Variants in SPATA31A1 observed in about 807,000 individuals in gnomAD.
SPATA31A1 encodes the protein SPATA31 subfamily A member 1.
For synonymous variants in SPATA31A1, 194 were observed against 573.4 expected (o/e 0.34, Z 9.45); for missense variants, 579 against 1,476.3 (o/e 0.39, Z 9.96).
At position 39,360,632 on chromosome 9, in the gene SPATA31A1, C is replaced by A. The variant is rs1214195725; in HGVS notation, c.2867C>A (p.Pro956Gln). ...SKAGETREAVPQCRVPLETCM... is the reference protein window; with the variant it reads ...SKAGETREAVQQCRVPLETCM... ...GCTGGAGAGACAAGGGAGGCAGTGCCACAATGCAGAGTCCCCTTGGAAACC... is the reference window on the plus strand; with the variant it reads ...GCTGGAGAGACAAGGGAGGCAGTGCAACAATGCAGAGTCCCCTTGGAAACC... Residue 956 changes from proline (P) to glutamine (Q), a missense_variant, in exon 4 of 4, where the codon CCA (proline) becomes CAA (glutamine). By Grantham distance (76) the Pro-to-Gln change is moderately conservative. Coordinates refer to ENST00000377647, the MANE Select transcript of SPATA31A1 (RefSeq NM_001085452.4). 6.2e-7 allele frequency: 1 copy of A among 1,609,086 alleles called. No individual in the cohort carries two copies. The highest frequency in any genetic ancestry group is 8.5e-7 in the Non-Finnish European group (1 of 1,179,010).
intron 1 of SPATA31A1, among the ~76,000 whole-genome samples, chr9:39,356,578 T>TTTGAG (rs1823333547): frequency 4.3e-4 from 22 of 51,672 alleles, no homozygotes; most frequent in East Asian, 3.9e-3. Context: ...TATTTTATTT[T>TTTGAG]ATTTTATTTT....
In SPATA31A1 at chr9:39,361,417, GAC is replaced by G; in HGVS notation, c.3653_3654del (p.Asp1218GlyfsTer81). Reference protein sequence around the residue: ...GLMTAVGQMLDEKMSLCHARH... With the variant: ...GLMTAVGQMLXEKMSLCHARH... ...CATGACGGCAGTTGGACAAATGCTG[GAC>G]GAGAAAATGTCACTTTGCCATGCGC... On this transcript the variant is annotated frameshift_variant, in exon 4 of 4. Coordinates refer to ENST00000377647, the MANE Select transcript of SPATA31A1 (RefSeq NM_001085452.4). LOFTEE classifies it low-confidence loss of function (END_TRUNC). 1 of 1,613,566 alleles carries G rather than the reference GAC, an allele frequency of 6.2e-7. No individual in the cohort carries two copies. Among genetic ancestry groups the G allele is most frequent in the East Asian group, 2.2e-5 (1 of 44,872 alleles).
Position 39,358,665 on chromosome 9 carries a change from T to C in SPATA31A1, c.900T>C (p.Asp300=), listed in dbSNP as rs1230562537. Residue 300 remains aspartate (D), a synonymous_variant, in exon 4 of 4, where the codon GAT becomes GAC. Coordinates refer to ENST00000377647, the MANE Select transcript of SPATA31A1 (RefSeq NM_001085452.4). The part of the protein sequence containing the change: ...SCAFNSSVQQ[D]HLSRHPPETY... ...CCTTTAACTCATCAGTCCAGCAAGA[T>C]CATCTTTCCCGCCACCCACCAGAGA... is the stretch of plus-strand genomic sequence containing the variant. The C allele has an allele frequency of 6.2e-6, 10 of 1,608,330 alleles. No homozygotes were observed. The Admixed American group carries it at 1.0e-4, about 16-fold the overall frequency.
intron 1 of SPATA31A1, 149 bp downstream of exon 1, chr9:39,356,068 C>A: frequency 1.0e-5 from 1 of 99,564 alleles, no homozygotes; most frequent in Non-Finnish European, 1.6e-5. Context: ...AGAGGCAGGG[C>A]AGCCAGGGGT....
intron 1 of SPATA31A1, among the ~76,000 whole-genome samples, chr9:39,356,592 TTATTTTATTTTATTTTTTG>T (rs1823334498): frequency 2.1e-5 from 1 of 46,864 alleles, no homozygotes; most frequent in African/African-American, 9.7e-5. Flanking sequence ...TTATTTTATT[TTATTTTATTTTATTTTTTG>T]AGATGGAGTC....
Position 39,359,301 on chromosome 9 carries a change from T to C in SPATA31A1, c.1536T>C (p.Pro512=), listed in dbSNP as rs1823403768. The change falls in exon 4 of 4, where the codon CCT becomes CCC. Residue 512 remains proline, a synonymous_variant. Coordinates refer to ENST00000377647, the MANE Select transcript of SPATA31A1 (RefSeq NM_001085452.4). ...AATCTTCTTTCCCAGTCCTATCTCC[T>C]GCTTTTCCATCCCTGATTAAGAACA... The part of the protein sequence containing the change: ...HLQSSFPVLS[P]AFPSLIKNTG... 7 of 1,607,422 alleles carry C rather than the reference T, an allele frequency of 4.4e-6. No homozygotes were observed. Among genetic ancestry groups the C allele is most frequent in the Non-Finnish European group, 5.1e-6 (6 of 1,177,794 alleles).
rs1823472351 is a variant in SPATA31A1, at chr9:39,361,667, G to A, written c.3902G>A (p.Trp1301Ter). ...AGTGTGCGGTGCAACAATGAGCAAT[G>A]GGGCCTGCGACATCCCCAAATCTTG... ...LKSVRCNNEQ[W>*]GLRHPQILHP... Residue 1301 changes from tryptophan to a stop codon, truncating the protein, a stop_gained, in exon 4 of 4, where the codon TGG becomes TAG. Transcript: ENST00000377647. LOFTEE classifies it low-confidence loss of function (END_TRUNC). The A allele has an allele frequency of 6.2e-7, 1 of 1,613,002 alleles. No homozygotes were observed. The highest frequency in any genetic ancestry group is 1.3e-5 in the African/African-American group (1 of 74,656).
In SPATA31A1 at chr9:39,355,686, G is replaced by T. The variant is rs1823316291; in HGVS notation, c.-45G>T. ...TGGGCCCCAGTCCCTAGTCCCCACG[G>T]GGATGCCCAGAGCTCAGTTGCTTGA... On this transcript the variant is annotated 5_prime_UTR_variant, in exon 1 of 4. Coordinates refer to ENST00000377647, the MANE Select transcript of SPATA31A1 (RefSeq NM_001085452.4). The T allele has an allele frequency of 1.7e-5, 9 of 521,578 alleles. No individual in the cohort carries two copies. Among genetic ancestry groups the T allele is most frequent in the Non-Finnish European group, 3.0e-5 (9 of 302,508 alleles). 32.3% of individuals were successfully genotyped at this position (521,578 alleles called of 1,614,324 possible). A position where few individuals can be genotyped will look rare whatever the true frequency, so the allele number is the denominator to read the frequency against.
At position 39,361,266 on chromosome 9, in the gene SPATA31A1, C is replaced by G. The variant is rs1316998070; in HGVS notation, c.3501C>G (p.Ile1167Met). 1 of 1,612,014 alleles carries G rather than the reference C, an allele frequency of 6.2e-7. No homozygotes were observed. The highest frequency in any genetic ancestry group is 8.5e-7 in the Non-Finnish European group (1 of 1,179,798). The change falls in exon 4 of 4, where the codon ATC becomes ATG. Residue 1167 changes from isoleucine to methionine, a missense_variant. Ile to Met is a conservative substitution (Grantham distance 10, BLOSUM62 1). Transcript: ENST00000377647. ...PPSVSHFGGN[I>M]KQFFQWIFSK... ...CAGTAAGCCACTTTGGAGGAAACAT[C>G]AAGCAATTTTTTCAGTGGATTTTTT...
At position 39,358,695 on chromosome 9, in the gene SPATA31A1, C is replaced by T. The variant is rs4078899; in HGVS notation, c.930C>T (p.Tyr310=). The T allele has an allele frequency of 3.5e-4, 558 of 1,607,714 alleles. 3 individuals are homozygous for T. In the African/African-American group the frequency reaches 6.5e-3, roughly 19 times the overall value. ...TTTCCCGCCACCCACCAGAGACCTA[C>T]CAGATGGAAGCTGGTAGCCTGTTTT... ...DHLSRHPPET[Y]QMEAGSLFLL... The change falls in exon 4 of 4, where the codon TAC becomes TAT. Residue 310 remains tyrosine, a synonymous_variant. Coordinates refer to ENST00000377647, the MANE Select transcript of SPATA31A1 (RefSeq NM_001085452.4).
In SPATA31A1 at chr9:39,361,363, T is replaced by G. The variant is rs1001159299; in HGVS notation, c.3598T>G (p.Tyr1200Asp). ...QKTVKNRSCV[Y>D]SSSAEAQGLM... ...AACAGTGAAAAACAGATCATGTGTG[T>G]ACAGCAGCAGTGCTGAAGCTCAGGG... is the stretch of plus-strand genomic sequence containing the variant. The change falls in exon 4 of 4, where the codon TAC becomes GAC. Residue 1200 changes from tyrosine to aspartate, a missense_variant. Tyr to Asp is a radical substitution (Grantham distance 160). Coordinates refer to ENST00000377647, the MANE Select transcript of SPATA31A1 (RefSeq NM_001085452.4). 1 of 1,613,494 alleles carries G rather than the reference T, an allele frequency of 6.2e-7. No individual in the cohort carries two copies. Among genetic ancestry groups the G allele is most frequent in the Admixed American group, 1.7e-5 (1 of 59,964 alleles).
chr9:39,361,323 T>C lies in SPATA31A1; in HGVS notation c.3558T>C (p.Thr1186=). Residue 1186 remains threonine (T), a synonymous_variant, in exon 4 of 4, where the codon ACT becomes ACC. Coordinates refer to ENST00000377647, the MANE Select transcript of SPATA31A1 (RefSeq NM_001085452.4). ...SKKKSKPAPV[T]AESQKTVKNR... ...AAAAAAGCAAGCCAGCACCAGTCACTGCTGAGAGCCAAAAAACAGTGAAAA... is the reference window on the plus strand; with the variant it reads ...AAAAAAGCAAGCCAGCACCAGTCACCGCTGAGAGCCAAAAAACAGTGAAAA... 1.2e-6 allele frequency: 2 copies of C among 1,613,496 alleles called. No homozygotes were observed. Among genetic ancestry groups the C allele is most frequent in the Non-Finnish European group, 1.7e-6 (2 of 1,179,846 alleles).
chr9:39,358,421 C>G lies in SPATA31A1; in HGVS notation c.656C>G (p.Pro219Arg). 6 of 1,545,758 alleles carry G rather than the reference C, an allele frequency of 3.9e-6. No homozygotes were observed. The highest frequency in any genetic ancestry group is 5.2e-6 in the Non-Finnish European group (6 of 1,145,956). The change falls in exon 4 of 4, where the codon CCT (proline) becomes CGT (arginine). Residue 219 changes from proline (P) to arginine (R), a missense_variant. By Grantham distance (103) the Pro-to-Arg change is moderately radical. Transcript: ENST00000377647. The stretch of plus-strand genomic sequence containing the variant: ...CCTGATCCTCTGGCCTGCTCTCCGC[C>G]TCCTCCAAAAGGCTTCACTGCTCCT... ...HTPDPLACSPPPPKGFTAPPL... is the reference protein window; with the variant it reads ...HTPDPLACSPRPPKGFTAPPL...
rs1823379753 is a variant in SPATA31A1 at position 39,358,298 on chromosome 9, T to C, written c.533T>C (p.Val178Ala). The C allele has an allele frequency of 6.5e-7, 1 of 1,530,952 alleles. No homozygotes were observed. Among genetic ancestry groups the C allele is most frequent in the Admixed American group, 2.0e-5 (1 of 50,676 alleles). 94.8% of individuals were successfully genotyped at this position (1,530,952 alleles called of 1,614,324 possible). A position where few individuals can be genotyped will look rare whatever the true frequency, so the allele number is the denominator to read the frequency against. Residue 178 changes from valine to alanine, a missense_variant, in exon 4 of 4, where the codon GTC becomes GCC. Physicochemically the swap from Val to Ala is moderately conservative, Grantham distance 64. Coordinates refer to ENST00000377647, the MANE Select transcript of SPATA31A1 (RefSeq NM_001085452.4). The stretch of plus-strand genomic sequence containing the variant: ...TCACCAGGCCCAATGACCACCTCAG[T>C]CTCCTCCCTAAGTGCCTCCCAGCCA... The part of the protein sequence containing the change: ...TPSPGPMTTS[V>A]SSLSASQPPE...
rs950519149 is a variant in SPATA31A1 at position 39,361,615 on chromosome 9, C to G, written c.3850C>G (p.Gln1284Glu). 3 of 1,613,484 alleles carry G rather than the reference C, an allele frequency of 1.9e-6. No homozygotes were observed. The highest frequency in any genetic ancestry group is 2.5e-6 in the Non-Finnish European group (3 of 1,179,846). ...KSQGCPNRDR[Q>E]IRNQQPLKSV... ...CCAGGGTTGTCCCAACAGAGACAGG[C>G]AAATCAGAAATCAACAGCCCTTGAA... Residue 1284 changes from glutamine to glutamate, a missense_variant, in exon 4 of 4, where the codon CAA (glutamine) becomes GAA (glutamate). By Grantham distance (29) the Gln-to-Glu change is conservative. Transcript: ENST00000377647.
In SPATA31A1 at chr9:39,361,254, T is replaced by C. The variant is rs1335171379; in HGVS notation, c.3489T>C (p.Phe1163=). The part of the protein sequence containing the change: ...SKKQPPSVSH[F]GGNIKQFFQW... ...AACAGCCTCCTTCAGTAAGCCACTT[T>C]GGAGGAAACATCAAGCAATTTTTTC... Residue 1163 remains phenylalanine (F), a synonymous_variant, in exon 4 of 4, where the codon TTT becomes TTC. Transcript: ENST00000377647. The C allele has an allele frequency of 6.2e-7, 1 of 1,611,754 alleles. No individual in the cohort carries two copies. The highest frequency in any genetic ancestry group is 1.3e-5 in the African/African-American group (1 of 74,640).
rs2118438043 is a variant in SPATA31A1 at position 39,361,327 on chromosome 9, G to A, written c.3562G>A (p.Glu1188Lys). 8 of 1,613,520 alleles carry A rather than the reference G, an allele frequency of 5.0e-6. No homozygotes were observed. The highest frequency in any genetic ancestry group is 3.3e-5 in the Admixed American group (2 of 59,986). ...AAGCAAGCCAGCACCAGTCACTGCT[G>A]AGAGCCAAAAAACAGTGAAAAACAG... The part of the protein sequence containing the change: ...KKSKPAPVTA[E>K]SQKTVKNRSC... Residue 1188 changes from glutamate (E) to lysine (K), a missense_variant, in exon 4 of 4, where the codon GAG becomes AAG. By Grantham distance (56) the Glu-to-Lys change is moderately conservative. Transcript: ENST00000377647.
At position 39,358,523 on chromosome 9, in the gene SPATA31A1, G is replaced by A. The variant is rs1823384548; in HGVS notation, c.758G>A (p.Ser253Asn). ...CTTCCACTGGGCACCGTCCCTCAAAGCTTGTCTCCACATGAGGATTTGGTG... is the reference window on the plus strand; with the variant it reads ...CTTCCACTGGGCACCGTCCCTCAAAACTTGTCTCCACATGAGGATTTGGTG... ...VALPLGTVPQ[S>N]LSPHEDLVAS... is the part of the protein sequence containing the mutation. Residue 253 changes from serine to asparagine, a missense_variant, in exon 4 of 4, where the codon AGC (serine) becomes AAC (asparagine). Coordinates refer to ENST00000377647, the MANE Select transcript of SPATA31A1 (RefSeq NM_001085452.4). The A allele has an allele frequency of 1.3e-6, 2 of 1,581,480 alleles. No homozygotes were observed. Among genetic ancestry groups the A allele is most frequent in the Non-Finnish European group, 1.7e-6 (2 of 1,173,770 alleles).
chr9:39,361,065 A>G lies in SPATA31A1; in HGVS notation c.3300A>G (p.Gln1100=). Residue 1100 remains glutamine, a synonymous_variant, in exon 4 of 4, where the codon CAA becomes CAG. Transcript: ENST00000377647. Reference sequence around the variant, plus strand: ...ACTGTCAAGGCTCATGCAAGAACCAAAGGCCAATGTTTCCCCCTATTCACA... The same window carrying G: ...ACTGTCAAGGCTCATGCAAGAACCAGAGGCCAATGTTTCCCCCTATTCACA... ...NPNCQGSCKN[Q]RPMFPPIHKS... is the part of the protein sequence containing the mutation. The G allele has an allele frequency of 6.2e-7, 1 of 1,610,942 alleles. No homozygotes were observed.
Sources: allele counts gnomAD v4.1 joint callset (sites outside exome capture counted in the v4.1 genomes callset), GRCh38; gene constraint gnomAD v4.1.1; transcripts MANE v1.5; gene names NCBI Gene and HGNC (gene_info 2026-07-23, HGNC 2026-07-21).